Variants in IFI44L observed in about 807,000 individuals in gnomAD.
The protein encoded by IFI44L is interferon induced protein 44 like.
In IFI44L, 40 loss-of-function variants were observed where a neutral mutation model predicts 39.3. The observed-to-expected ratio is 1.02, with a 90% CI of 0.79 to 1.33. IFI44L has a LOEUF of 1.33. Among genes scored for constraint, IFI44L ranks in the 40% most tolerant of loss-of-function variants. IFI44L has a pLI of 0.00. For synonymous variants in IFI44L, 198 were observed against 182.3 expected (o/e 1.09, Z -0.69); for missense variants, 623 against 549.0 (o/e 1.13, Z -1.35).
intron 5 of IFI44L, chr1:78,635,762 C>A: frequency 4.8e-6 from 2 of 418,132 alleles, no homozygotes; most frequent in Non-Finnish European, 8.5e-6. Context: ...TCACTCTTTA[C>A]AATAATGTAA....
rs1647032632 is a variant in IFI44L, at chr1:78,645,088, T to A, written c.*3279T>A. ...CATAGCTGGGGGCAATTGTTTAAAG[T>A]CATTTTGTTCCCGACTAGCTGCCTT... On this transcript the variant is annotated 3_prime_UTR_variant, in exon 9 of 9. Transcript: ENST00000370751. The A allele has an allele frequency of 6.6e-6, 1 of 152,222 alleles. No homozygotes were observed. Among genetic ancestry groups the A allele is most frequent in the African/African-American group, 2.4e-5 (1 of 41,452 alleles). The allele number at this position is 152,222 out of a possible 1,614,324, so 9.4% of individuals were successfully genotyped here.
chr1:78,636,888 G>T, intron 5 of IFI44L, 144 bp from the exon 6 acceptor site: 1 of 598,022 alleles, frequency 1.7e-6, no homozygotes, highest in Non-Finnish European at 2.9e-6. Flanking sequence ...AGGAAGTAAA[G>T]AGGAGGTGCT....
At chr1:78,640,911 T>C (rs555188295) in intron 6 of IFI44L, 110 bp from the exon 7 acceptor site, 2 of 690,284 alleles carry the variant, frequency 2.9e-6, no homozygotes, top group South Asian at 1.8e-5. Flanking sequence ...GGATATTTCA[T>C]TCTTCAGCTC....
chr1:78,620,796 A>G (rs1241166673), intron 1 of IFI44L: 4 of 152,212 alleles, frequency 2.6e-5, no homozygotes, highest in African/African-American at 7.2e-5. Context: ...CTGTTGTGCT[A>G]TGAACACAAG....
chr1:78,634,836 GTT>G (rs59205925), intron 4 of IFI44L, among the ~76,000 whole-genome samples: 1 of 147,842 alleles, frequency 6.8e-6, no homozygotes. Flanking sequence ...AATGTGGAGT[GTT>G]TTTTTTTTCT....
At chr1:78,630,597 A>C (rs1469500041) in intron 4 of IFI44L, among the ~76,000 whole-genome samples, 1 of 152,176 alleles carries the variant, frequency 6.6e-6, no homozygotes, top group African/African-American at 2.4e-5. Context: ...AAAATTTTAG[A>C]ATCAGGCTTT....
intron 6 of IFI44L, among the ~76,000 whole-genome samples, chr1:78,638,592 T>G (rs1457922946): frequency 6.6e-6 from 1 of 152,170 alleles, no homozygotes; most frequent in Non-Finnish European, 1.5e-5. Context: ...CTCTCCATTC[T>G]GCTTTTGAGC....
intron 4 of IFI44L, among the ~76,000 whole-genome samples, chr1:78,633,020 T>C (rs952804979): frequency 6.6e-6 from 1 of 152,220 alleles, no homozygotes; most frequent in Non-Finnish European, 1.5e-5. Context: ...AAACATCAAT[T>C]TGAATAATTA....
chr1:78,637,112 G>A lies in IFI44L; in HGVS notation c.957G>A (p.Val319=). ...CTCTGAAGGACAGGATTCACTGTGTGGCTTATGTCTTAGACATCAACTCTA... is the reference window on the plus strand; with the variant it reads ...CTCTGAAGGACAGGATTCACTGTGTAGCTTATGTCTTAGACATCAACTCTA... ...SPSLKDRIHC[V]AYVLDINSID... The change falls in exon 6 of 9, where the codon GTG becomes GTA. Residue 319 remains valine (V), a synonymous_variant. Transcript: ENST00000370751. 1 of 1,610,752 alleles carries A rather than the reference G, an allele frequency of 6.2e-7. No homozygotes were observed. Among genetic ancestry groups the A allele is most frequent in the African/African-American group, 1.3e-5 (1 of 74,786 alleles).
At position 78,620,540 on chromosome 1, in the gene IFI44L, C is replaced by T. The variant is rs1165116627; in HGVS notation, c.-42C>T. ...TAAATCAGACAGAACAGTTAATCCT[C>T]AATTTAAGCCTGATCTAACCCCTAG... On this transcript the variant is annotated 5_prime_UTR_variant, in exon 1 of 9. Coordinates refer to ENST00000370751, the MANE Select transcript of IFI44L (RefSeq NM_006820.4). 6.6e-6 allele frequency: 1 copy of T among 152,182 alleles called. No individual in the cohort carries two copies. Among genetic ancestry groups the T allele is most frequent in the East Asian group, 1.9e-4 (1 of 5,198 alleles). The allele number at this position is 152,182 out of a possible 1,614,324, so 9.4% of individuals were successfully genotyped here.
intron 1 of IFI44L, among the ~76,000 whole-genome samples, chr1:78,622,488 T>C (rs982802554): frequency 3.3e-5 from 5 of 152,166 alleles, no homozygotes; most frequent in African/African-American, 9.6e-5. Flanking sequence ...TCTTTTACAA[T>C]GTGGTGTACA....
At chr1:78,624,034 G>A (rs1652390518) in intron 1 of IFI44L, among the ~76,000 whole-genome samples, 1 of 151,756 alleles carries the variant, frequency 6.6e-6, no homozygotes, top group Admixed American at 6.6e-5. Context: ...TTGAGATGGA[G>A]TGTCTCTCTG....
intron 8 of IFI44L, 81 bp from the exon 9 acceptor site, chr1:78,641,694 G>A: frequency 6.2e-7 from 1 of 1,601,014 alleles, no homozygotes. Context: ...TTAGATGACT[G>A]GGGCCCACCT....
chr1:78,629,596 AATT>A (rs1404916644), intron 3 of IFI44L, 121 bp from the exon 4 acceptor site: 8 of 538,464 alleles, frequency 1.5e-5, no homozygotes, highest in Non-Finnish European at 2.5e-5. Flanking sequence ...TCAAAATAAT[AATT>A]AAGTATTGAA....
rs1274488565 is a variant in IFI44L, at chr1:78,641,429, C to A, written c.1150-6C>A. ...GACTTACACTTTTTAAATATACTTT[C>A]CACAGGTCATGAATGTCCATAAAAT... On this transcript the variant is annotated splice_polypyrimidine_tract_variant and splice_region_variant and intron_variant, in intron 7 of 8. Coordinates refer to ENST00000370751, the MANE Select transcript of IFI44L (RefSeq NM_006820.4). 1 of 1,610,718 alleles carries A rather than the reference C, an allele frequency of 6.2e-7. No individual in the cohort carries two copies. Among genetic ancestry groups the A allele is most frequent in the Admixed American group, 1.7e-5 (1 of 59,806 alleles).
At chr1:78,633,203 G>A (rs1029061050) in intron 4 of IFI44L, among the ~76,000 whole-genome samples, 2 of 152,160 alleles carry the variant, frequency 1.3e-5, no homozygotes, top group African/African-American at 4.8e-5. Flanking sequence ...CATCTGCTTT[G>A]GGGAAAAGAG....
rs574693911 is a variant in IFI44L, at chr1:78,631,903, C to T, written c.723+1988C>T. Reference sequence around the variant, plus strand: ...TGGCACCAAACACTACTAGTAGTCACTGTATTTCTCCCAATTACTGCACTT... The same window carrying T: ...TGGCACCAAACACTACTAGTAGTCATTGTATTTCTCCCAATTACTGCACTT... On this transcript the variant is annotated intron_variant, in intron 4 of 8. Coordinates refer to ENST00000370751, the MANE Select transcript of IFI44L (RefSeq NM_006820.4). 3.9e-5 allele frequency among the ~76,000 whole-genome samples: 6 copies of T among 152,184 alleles called. No homozygotes were observed. In the East Asian group the frequency reaches 9.7e-4, roughly 24 times the overall value.
intron 7 of IFI44L, 99 bp from the exon 8 acceptor site, chr1:78,641,336 C>T: frequency 9.3e-7 from 1 of 1,076,234 alleles, no homozygotes; most frequent in South Asian, 1.5e-5. Flanking sequence ...ACTTATTAAG[C>T]CATTGCTTTT....
chr1:78,640,731 C>T lies in IFI44L; in HGVS notation c.1049-290C>T, dbSNP rs565974897. On this transcript the variant is annotated intron_variant, in intron 6 of 8. Coordinates refer to ENST00000370751, the MANE Select transcript of IFI44L (RefSeq NM_006820.4). ...TTTAGTCCCCAAAGTCCAGCAACCCCTTTTTTCCCCTTGACCAATTTAAAA... is the reference window on the plus strand; with the variant it reads ...TTTAGTCCCCAAAGTCCAGCAACCCTTTTTTTCCCCTTGACCAATTTAAAA... Among the ~76,000 whole-genome samples the T allele has an allele frequency of 4.6e-5, 7 of 152,166 alleles. No individual in the cohort carries two copies. The South Asian group carries it at 1.4e-3, about 32-fold the overall frequency.
Sources: gnomAD v4.1 joint callset for allele counts (sites outside exome capture counted in the v4.1 genomes callset) on GRCh38, gnomAD v4.1.1 for gene constraint, MANE v1.5 for transcripts, NCBI Gene and HGNC (gene_info 2026-07-23, HGNC 2026-07-21) for gene names.